Variants in CADM1 observed in about 807,000 individuals in gnomAD.
CADM1 encodes TSLC-1.
Under a neutral mutation model 53.1 loss-of-function variants are expected in CADM1, and 15 were observed. That is an observed-to-expected ratio of 0.28 (90% confidence interval 0.19 to 0.44). CADM1 has a LOEUF of 0.44. Ranked by LOEUF, CADM1 falls within the 20% of genes least tolerant of loss-of-function variation. CADM1 has a pLI of 1.00. For synonymous variants in CADM1, 281 were observed against 243.0 expected (o/e 1.16, Z -1.45); for missense variants, 434 against 611.3 (o/e 0.71, Z 3.06).
At chr11:115,253,641 A>G (rs1277111745) in intron 1 of CADM1, among the ~76,000 whole-genome samples, 1 of 152,226 alleles carries the variant, frequency 6.6e-6, no homozygotes, top group East Asian at 1.9e-4. Flanking sequence ...AGTTACTGAC[A>G]TAATTTCTTA....
chr11:115,254,085 C>G (rs2134986177), intron 1 of CADM1, among the ~76,000 whole-genome samples: 1 of 152,250 alleles, frequency 6.6e-6, no homozygotes, highest in South Asian at 2.1e-4. Context: ...GACACAAAAC[C>G]TGTGTGCCAA....
At chr11:115,423,510 G>C (rs181273419) in intron 1 of CADM1, among the ~76,000 whole-genome samples, 1 of 152,278 alleles carries the variant, frequency 6.6e-6, no homozygotes, top group East Asian at 1.9e-4. Context: ...TACATTATAA[G>C]CATTTCCAGG....
chr11:115,217,208 C>G (rs1165460167), intron 6 of CADM1, among the ~76,000 whole-genome samples: 1 of 151,968 alleles, frequency 6.6e-6, no homozygotes, highest in Non-Finnish European at 1.5e-5. Context: ...GGCTTTTTTT[C>G]TTGTATTAGT....
intron 10 of CADM1, among the ~76,000 whole-genome samples, chr11:115,185,888 G>A (rs1278806174): frequency 2.0e-5 from 3 of 152,176 alleles, no homozygotes; most frequent in African/African-American, 7.2e-5. Flanking sequence ...AGGCATTTGG[G>A]GGTGTGAGGA....
At chr11:115,476,911 C>T (rs1035029268) in intron 1 of CADM1, among the ~76,000 whole-genome samples, 1 of 152,024 alleles carries the variant, frequency 6.6e-6, no homozygotes, top group African/African-American at 2.4e-5. Context: ...ACATCCAAGC[C>T]CTTTGGTAAT....
At chr11:115,194,137 G>A (rs1324377595) in intron 9 of CADM1, 1 of 152,120 alleles carries the variant, frequency 6.6e-6, no homozygotes, top group Non-Finnish European at 1.5e-5. Context: ...TACAATGTCT[G>A]CAGAGTCCCG....
intron 1 of CADM1, among the ~76,000 whole-genome samples, chr11:115,272,927 G>A (rs554099596): frequency 2.0e-5 from 3 of 152,162 alleles, no homozygotes; most frequent in Admixed American, 6.5e-5. Flanking sequence ...AAGCAACGAC[G>A]TGAAGTTTTT....
At chr11:115,213,726 T>C (rs1183413856) in intron 7 of CADM1, among the ~76,000 whole-genome samples, 1 of 152,178 alleles carries the variant, frequency 6.6e-6, no homozygotes, top group Non-Finnish European at 1.5e-5. Flanking sequence ...AAGAAAAAAA[T>C]ACCCCCTTCA....
intron 1 of CADM1, among the ~76,000 whole-genome samples, chr11:115,352,177 T>C (rs1216433304): frequency 2.0e-5 from 3 of 152,154 alleles, no homozygotes; most frequent in Admixed American, 6.5e-5. Context: ...ACTGTATAAA[T>C]CTACTAAAGG....
chr11:115,287,997 G>A (rs1402547447), intron 1 of CADM1, among the ~76,000 whole-genome samples: 1 of 152,156 alleles, frequency 6.6e-6, no homozygotes, highest in African/African-American at 2.4e-5. Context: ...GCAGTGTGTG[G>A]GGAGGCTGAT....
intron 1 of CADM1, among the ~76,000 whole-genome samples, chr11:115,372,405 A>G (rs544819559): frequency 6.6e-6 from 1 of 152,258 alleles, no homozygotes; most frequent in South Asian, 2.1e-4. Context: ...ACAGAAAAAA[A>G]TACCAGGAAT....
chr11:115,360,295 G>A (rs1945992887), intron 1 of CADM1, among the ~76,000 whole-genome samples: 2 of 152,102 alleles, frequency 1.3e-5, no homozygotes, highest in East Asian at 1.9e-4. Flanking sequence ...AACCAAAAAC[G>A]TACAGTGAAA....
At chr11:115,336,082 A>T (rs1390297677) in intron 1 of CADM1, among the ~76,000 whole-genome samples, 1 of 152,158 alleles carries the variant, frequency 6.6e-6, no homozygotes, top group South Asian at 2.1e-4. Context: ...CACACAAACT[A>T]TTTTTAAAAA....
chr11:115,424,593 T>A (rs186543709), intron 1 of CADM1, among the ~76,000 whole-genome samples: 1 of 152,224 alleles, frequency 6.6e-6, no homozygotes, highest in Admixed American at 6.5e-5. Flanking sequence ...AGTGGCGAGA[T>A]CTCTGTTCAC....
intron 1 of CADM1, among the ~76,000 whole-genome samples, chr11:115,317,441 T>C (rs981720293): frequency 3.9e-5 from 6 of 152,280 alleles, no homozygotes; most frequent in South Asian, 2.1e-4. Flanking sequence ...CTAACACGCC[T>C]GTAAAGTGGA....
chr11:115,462,318 G>A (rs1207304973), intron 1 of CADM1, among the ~76,000 whole-genome samples: 4 of 152,178 alleles, frequency 2.6e-5, no homozygotes, highest in Non-Finnish European at 4.4e-5. Context: ...AGCCCAGGAA[G>A]AGGCGAGAGT....
intron 1 of CADM1, among the ~76,000 whole-genome samples, chr11:115,351,662 T>C (rs1040324788): frequency 2.0e-5 from 3 of 152,184 alleles, no homozygotes; most frequent in South Asian, 2.1e-4. Context: ...TCTCCAGATA[T>C]GTAAAATAAA....
intron 1 of CADM1, among the ~76,000 whole-genome samples, chr11:115,390,150 A>T (rs1443639243): frequency 1.3e-5 from 2 of 152,128 alleles, no homozygotes; most frequent in Non-Finnish European, 2.9e-5. Flanking sequence ...GTCACAGGAG[A>T]AAAAAGGAAA....
At chr11:115,445,274 A>G (rs1948423092) in intron 1 of CADM1, among the ~76,000 whole-genome samples, 1 of 152,134 alleles carries the variant, frequency 6.6e-6, no homozygotes, top group Non-Finnish European at 1.5e-5. Context: ...CATAGCAGTG[A>G]TAAGCAGTCG....
Sources: gnomAD v4.1 joint callset for allele counts (sites outside exome capture counted in the v4.1 genomes callset) on GRCh38, gnomAD v4.1.1 for gene constraint, MANE v1.5 for transcripts, NCBI Gene and HGNC (gene_info 2026-07-23, HGNC 2026-07-21) for gene names.